The following PLEKHG3 variants were observed in gnomAD, a reference collection of about 807,000 sequenced individuals.
PLEKHG3 encodes pleckstrin homology and RhoGEF domain containing G3, also known as pleckstrin homology domain-containing family G member 3.
A neutral mutation model predicts 94.9 loss-of-function variants in PLEKHG3; 62 were observed. That is an observed-to-expected ratio of 0.65 (90% CI 0.53 to 0.81). The LOEUF (loss-of-function observed/expected upper bound fraction) is 0.81, where lower values mean the gene tolerates loss of function less well. PLEKHG3 is among the 30% of genes least tolerant of loss of function. The pLI is 0.00. For synonymous variants in PLEKHG3, 614 were observed against 654.0 expected, an observed-to-expected ratio of 0.94 and a Z score of 0.93; for missense variants, 1,461 against 1,619.3, an observed-to-expected ratio of 0.90 and a Z score of 1.68.
rs758168772 is a variant in PLEKHG3 at position 64,742,155 on chromosome 14, C to T, written c.2638C>T (p.Leu880=). 121 of 1,612,162 alleles carry T rather than the reference C, an allele frequency of 7.5e-5. No individual in the cohort carries two copies. The highest frequency in any genetic ancestry group is 1.0e-4 in the Admixed American group (6 of 60,014). Residue 880 remains leucine, a synonymous_variant, in exon 16 of 17, where the codon CTG becomes TTG. Transcript: ENST00000247226. ...SPTEGRSPAH[L]ARELKELVKE... ...CACTGAGGGGCGCAGCCCGGCCCAC[C>T]TGGCCCGGGAGCTGAAAGAGCTGGT...
At position 64,728,062 on chromosome 14, in the gene PLEKHG3, C is replaced by A; in HGVS notation, c.351+80C>A. The A allele has an allele frequency of 1.1e-6, 1 of 914,506 alleles. No homozygotes were observed. The allele number at this position is 914,506 out of a possible 1,614,324, so 56.6% of individuals were successfully genotyped here. On this transcript the variant is annotated intron_variant, in intron 2 of 16. Transcript: ENST00000247226. The surrounding 1 kb of genome is among the most constrained non-coding windows in gnomAD (Gnocchi z 5.9). ...GGGAGGGAAGCTCTCAAAAGACCTG[C>A]TTCCCATAAAGTAGTTGGAGAACTG...
rs1327109513 is a variant in PLEKHG3 at position 64,745,945 on chromosome 14, C to G, written c.*2242C>G. On this transcript the variant is annotated 3_prime_UTR_variant, in exon 17 of 17. Coordinates refer to ENST00000247226, the MANE Select transcript of PLEKHG3 (RefSeq NM_001308147.2). This position sits in a 1 kb window ranked among gnomAD's most constrained non-coding sequence, Gnocchi z 5.0. The stretch of plus-strand genomic sequence containing the variant: ...ATCTCCCTAGACCAACAGAAACTGC[C>G]CTCTGGAGGTGAATCCCAGGCTTAG... 1 of 152,274 alleles carries G rather than the reference C, an allele frequency of 6.6e-6. No homozygotes were observed. The highest frequency in any genetic ancestry group is 2.4e-5 in the African/African-American group (1 of 41,440). The allele number at this position is 152,274 out of a possible 1,614,324, so 9.4% of individuals were successfully genotyped here.
At position 64,731,981 on chromosome 14, in the gene PLEKHG3, C is replaced by A. The variant is rs12885376; in HGVS notation, c.1126-114C>A. 5.6e-3 allele frequency: 4,973 copies of A among 887,058 alleles called. 30 individuals carry two copies. Among genetic ancestry groups the A allele is most frequent in the Non-Finnish European group, 7.2e-3 (3,835 of 535,540 alleles). The allele number at this position is 887,058 out of a possible 1,614,324, so 54.9% of individuals were successfully genotyped here. A position where few individuals can be genotyped will look rare whatever the true frequency, so the allele number is the denominator to read the frequency against. On this transcript the variant is annotated intron_variant, in intron 9 of 16. Coordinates refer to ENST00000247226, the MANE Select transcript of PLEKHG3 (RefSeq NM_001308147.2). The surrounding 1 kb of genome is among the most constrained non-coding windows in gnomAD (Gnocchi z 6.1). ...AAAGTGAGGAGTCAGGTTAACCTCA[C>A]AGAGGCCCCAGCATGGCCCCACTTT...
rs1035956270 is a variant in PLEKHG3 at position 64,747,651 on chromosome 14, G to A, written c.*3948G>A. On this transcript the variant is annotated 3_prime_UTR_variant, in exon 17 of 17. Coordinates refer to ENST00000247226, the MANE Select transcript of PLEKHG3 (RefSeq NM_001308147.2). Reference sequence around the variant, plus strand: ...AGGGTTCCTCAGGGGGCCTCATTCTGGATGCCTGCCCCTGTGGCTTCTACC... The same window carrying A: ...AGGGTTCCTCAGGGGGCCTCATTCTAGATGCCTGCCCCTGTGGCTTCTACC... 1.5e-4 allele frequency: 23 copies of A among 152,370 alleles called. No homozygotes were observed. Among genetic ancestry groups the A allele is most frequent in the African/African-American group, 5.1e-4 (21 of 41,542 alleles). The allele number at this position is 152,370 out of a possible 1,614,324, so 9.4% of individuals were successfully genotyped here. A position where few individuals can be genotyped will look rare whatever the true frequency, so the allele number is the denominator to read the frequency against.
Position 64,747,852 on chromosome 14 carries a change from G to T in PLEKHG3, c.*4149G>T, listed in dbSNP as rs1410793572. 2.3e-5 allele frequency: 3 copies of T among 128,444 alleles called. No homozygotes were observed. The highest frequency in any genetic ancestry group is 9.2e-5 in the African/African-American group (3 of 32,772). The allele number at this position is 128,444 out of a possible 1,614,324, so 8.0% of individuals were successfully genotyped here. A position where few individuals can be genotyped will look rare whatever the true frequency, so the allele number is the denominator to read the frequency against. On this transcript the variant is annotated 3_prime_UTR_variant, in exon 17 of 17. Coordinates refer to ENST00000247226, the MANE Select transcript of PLEKHG3 (RefSeq NM_001308147.2). ...GACTGCTCTCTTGGACCTAACCCTAGTTTGATACTGGGCCAGAACTGTGTT... is the reference window on the plus strand; with the variant it reads ...GACTGCTCTCTTGGACCTAACCCTATTTTGATACTGGGCCAGAACTGTGTT...
In PLEKHG3 at chr14:64,743,606, C is replaced by A; in HGVS notation, c.3563C>A (p.Pro1188Gln). ...QDFQQSAECQ[P>Q]KEEGSRDPAD... Reference sequence around the variant, plus strand: ...TTCCAGCAGTCTGCAGAGTGCCAGCCGAAGGAAGAGGGTTCCAGGGACCCG... The same window carrying A: ...TTCCAGCAGTCTGCAGAGTGCCAGCAGAAGGAAGAGGGTTCCAGGGACCCG... Residue 1188 changes from proline to glutamine, a missense_variant, in exon 17 of 17, where the codon CCG becomes CAG. By Grantham distance (76) the Pro-to-Gln change is moderately conservative. Transcript: ENST00000247226. The surrounding 1 kb of genome is among the most constrained non-coding windows in gnomAD (Gnocchi z 7.2). The A allele has an allele frequency of 1.2e-6, 2 of 1,612,758 alleles. No homozygotes were observed. The highest frequency in any genetic ancestry group is 1.7e-6 in the Non-Finnish European group (2 of 1,179,930).
In PLEKHG3 at chr14:64,730,563, C is replaced by A; in HGVS notation, c.520-79C>A. 4.2e-6 allele frequency: 5 copies of A among 1,191,898 alleles called. No individual in the cohort carries two copies. Among genetic ancestry groups the A allele is most frequent in the Non-Finnish European group, 6.2e-6 (5 of 802,422 alleles). 73.8% of individuals were successfully genotyped at this position (1,191,898 alleles called of 1,614,324 possible). The stretch of plus-strand genomic sequence containing the variant: ...CAGGGGACAGAGGGTGCTCTGGGGG[C>A]CAGGGGCCTATCTGCTACCACCATC... On this transcript the variant is annotated intron_variant, in intron 4 of 16. Coordinates refer to ENST00000247226, the MANE Select transcript of PLEKHG3 (RefSeq NM_001308147.2). The surrounding 1 kb of genome is among the most constrained non-coding windows in gnomAD (Gnocchi z 5.4).
chr14:64,750,222 C>A lies in PLEKHG3; in HGVS notation c.*6519C>A. 6.6e-7 allele frequency: 1 copy of A among 1,508,628 alleles called. No homozygotes were observed. Among genetic ancestry groups the A allele is most frequent in the South Asian group, 1.3e-5 (1 of 79,120 alleles). 93.5% of individuals were successfully genotyped at this position (1,508,628 alleles called of 1,614,324 possible). On this transcript the variant is annotated 3_prime_UTR_variant, in exon 17 of 17. Transcript: ENST00000247226. Reference sequence around the variant, plus strand: ...GTATCTCTAGAGTCAATTCCTATAGCTTCACCATTAAAAAAAATTACACCA... The same window carrying A: ...GTATCTCTAGAGTCAATTCCTATAGATTCACCATTAAAAAAAATTACACCA...
chr14:64,722,244 C>T lies in PLEKHG3; in HGVS notation c.-39-5349C>T, dbSNP rs557981422. Among the ~76,000 whole-genome samples the T allele has an allele frequency of 2.6e-5, 4 of 152,116 alleles. No homozygotes were observed. Among genetic ancestry groups the T allele is most frequent in the African/African-American group, 7.2e-5 (3 of 41,430 alleles). On this transcript the variant is annotated intron_variant, in intron 1 of 16. Coordinates refer to ENST00000247226, the MANE Select transcript of PLEKHG3 (RefSeq NM_001308147.2). The surrounding 1 kb of genome is among the most constrained non-coding windows in gnomAD (Gnocchi z 4.3). ...TTTTTTTGTTTTTGAGATGGAGTTT[C>T]GCTCTCATTGCCTAGGCTGGAGTGC...
rs1255894665 is a variant in PLEKHG3, at chr14:64,732,556, A to G, written c.1246+96A>G. 4 of 1,035,174 alleles carry G rather than the reference A, an allele frequency of 3.9e-6. No homozygotes were observed. The East Asian group carries it at 7.2e-5, about 19-fold the overall frequency. 64.1% of individuals were successfully genotyped at this position (1,035,174 alleles called of 1,614,324 possible). ...AAGCTTTACCTGATAATTTTATTCC[A>G]GGAGCAGGGAGGGCGGGGGTCTCCT... On this transcript the variant is annotated intron_variant, in intron 11 of 16. Coordinates refer to ENST00000247226, the MANE Select transcript of PLEKHG3 (RefSeq NM_001308147.2). The surrounding 1 kb of genome is among the most constrained non-coding windows in gnomAD (Gnocchi z 4.9).
rs1287273354 is a variant in PLEKHG3 at position 64,716,451 on chromosome 14, C to CACA, written c.-39-11141_-39-11139dup. On this transcript the variant is annotated intron_variant, in intron 1 of 16. Transcript: ENST00000247226. This position sits in a 1 kb window ranked among gnomAD's most constrained non-coding sequence, Gnocchi z 5.0. ...GTAGGGCCCTACACACACACACACACACACACACACACACAACACACACAC... is the reference window on the plus strand; with the variant it reads ...GTAGGGCCCTACACACACACACACACACAACACACACACACACAACACACACAC... Among the ~76,000 whole-genome samples, 2 of 132,582 alleles carry CACA rather than the reference C, an allele frequency of 1.5e-5. No homozygotes were observed. The highest frequency in any genetic ancestry group is 7.5e-5 in the Admixed American group (1 of 13,258). 87.0% of individuals were successfully genotyped at this position (132,582 alleles called of 152,430 possible). A position where few individuals can be genotyped will look rare whatever the true frequency, so the allele number is the denominator to read the frequency against.
rs763392811 is a variant in PLEKHG3 at position 64,731,550 on chromosome 14, A to C, written c.1032+7A>C. ...CTACAAGGGCAACATCCCGGTAACC[A>C]GGCCCTGCCCCATCTCCTCTGCCAT... On this transcript the variant is annotated splice_region_variant and intron_variant, in intron 8 of 16. Coordinates refer to ENST00000247226, the MANE Select transcript of PLEKHG3 (RefSeq NM_001308147.2). This position sits in a 1 kb window ranked among gnomAD's most constrained non-coding sequence, Gnocchi z 6.1. 1 of 1,613,134 alleles carries C rather than the reference A, an allele frequency of 6.2e-7. No individual in the cohort carries two copies. Among genetic ancestry groups the C allele is most frequent in the Non-Finnish European group, 8.5e-7 (1 of 1,179,382 alleles).
In PLEKHG3 at chr14:64,743,940, T is replaced by C. The variant is rs1594720893; in HGVS notation, c.*237T>C. ...TGTGAGGCCGGTGTGGCTGCTTCCC[T>C]TGTAAATAGTTGTTCTCTGGTAAGA... On this transcript the variant is annotated 3_prime_UTR_variant, in exon 17 of 17. Coordinates refer to ENST00000247226, the MANE Select transcript of PLEKHG3 (RefSeq NM_001308147.2). This position sits in a 1 kb window ranked among gnomAD's most constrained non-coding sequence, Gnocchi z 7.2. 2.4e-6 allele frequency: 1 copy of C among 425,000 alleles called. No individual in the cohort carries two copies. Among genetic ancestry groups the C allele is most frequent in the South Asian group, 5.1e-5 (1 of 19,706 alleles). 26.3% of individuals were successfully genotyped at this position (425,000 alleles called of 1,614,324 possible). A position where few individuals can be genotyped will look rare whatever the true frequency, so the allele number is the denominator to read the frequency against.
intron 3 of PLEKHG3, among the ~76,000 whole-genome samples, chr14:64,729,384 G>A (rs1406380763): frequency 1.3e-5 from 2 of 151,974 alleles, no homozygotes; most frequent in South Asian, 2.1e-4. Context: ...TCTTCCCTGT[G>A]GAAGAGAACC....
In PLEKHG3 at chr14:64,742,393, A is replaced by G. The variant is rs2081721209; in HGVS notation, c.2876A>G (p.Asp959Gly). 1.2e-6 allele frequency: 2 copies of G among 1,612,812 alleles called. No homozygotes were observed. The highest frequency in any genetic ancestry group is 1.7e-6 in the Non-Finnish European group (2 of 1,180,008). The change falls in exon 16 of 17, where the codon GAT becomes GGT. Residue 959 changes from aspartate (D) to glycine (G), a missense_variant. Transcript: ENST00000247226. Reference protein sequence around the residue: ...LQWEKVAPERDGKSPTVPCLQ... With the variant: ...LQWEKVAPERGGKSPTVPCLQ... ...TGGGAAAAGGTGGCCCCTGAGAGGG[A>G]TGGGAAGAGCCCCACTGTGCCCTGT...
In PLEKHG3 at chr14:64,746,793, A is replaced by G. The variant is rs2081850746; in HGVS notation, c.*3090A>G. ...CTTGCCCAGAAGGAGCTTCCTCTAA[A>G]CTGCCCTGGGAAGGAAGCCTGGTAT... On this transcript the variant is annotated 3_prime_UTR_variant, in exon 17 of 17. Coordinates refer to ENST00000247226, the MANE Select transcript of PLEKHG3 (RefSeq NM_001308147.2). The surrounding 1 kb of genome is among the most constrained non-coding windows in gnomAD (Gnocchi z 4.9). 1 of 152,594 alleles carries G rather than the reference A, an allele frequency of 6.6e-6. No individual in the cohort carries two copies. Among genetic ancestry groups the G allele is most frequent in the Admixed American group, 6.6e-5 (1 of 15,264 alleles). The allele number at this position is 152,594 out of a possible 1,614,324, so 9.5% of individuals were successfully genotyped here.
rs1385585910 is a variant in PLEKHG3 at position 64,726,073 on chromosome 14, C to T, written c.-39-1520C>T. Among the ~76,000 whole-genome samples, 5 of 151,848 alleles carry T rather than the reference C, an allele frequency of 3.3e-5. No homozygotes were observed. The highest frequency in any genetic ancestry group is 4.8e-5 in the African/African-American group (2 of 41,298). The stretch of plus-strand genomic sequence containing the variant: ...GATATTGGAAGGTTCCTGGAGGGGG[C>T]GATGTCTAATTGGAGACCTAAAGAT... On this transcript the variant is annotated intron_variant, in intron 1 of 16. Transcript: ENST00000247226. This position sits in a 1 kb window ranked among gnomAD's most constrained non-coding sequence, Gnocchi z 5.1.
rs1594707517 is a variant in PLEKHG3, at chr14:64,738,317, A to C, written c.1405-425A>C. ...CCCCCTCTGCTGCCCTCCTCACCCC[A>C]CCCTGCCCTGGTTTTACTCCTCCCC... On this transcript the variant is annotated intron_variant, in intron 14 of 16. Coordinates refer to ENST00000247226, the MANE Select transcript of PLEKHG3 (RefSeq NM_001308147.2). This position sits in a 1 kb window ranked among gnomAD's most constrained non-coding sequence, Gnocchi z 4.8. The C allele has an allele frequency of 2.7e-6, 2 of 736,448 alleles. No individual in the cohort carries two copies. Among genetic ancestry groups the C allele is most frequent in the South Asian group, 1.6e-5 (1 of 61,026 alleles). 45.6% of individuals were successfully genotyped at this position (736,448 alleles called of 1,614,324 possible).
chr14:64,713,298 A>G (rs1196169853), intron 1 of PLEKHG3, among the ~76,000 whole-genome samples: 1 of 152,094 alleles, frequency 6.6e-6, no homozygotes, highest in African/African-American at 2.4e-5. Context: ...GCAGGGTAAT[A>G]CTGGCCTCAT....
Sources: allele counts gnomAD v4.1 joint callset (sites outside exome capture counted in the v4.1 genomes callset), GRCh38; gene constraint gnomAD v4.1.1; non-coding constraint Gnocchi (gnomAD v3.1); transcripts MANE v1.5; gene names NCBI Gene and HGNC (gene_info 2026-07-23, HGNC 2026-07-21).